Variants in ALG6 observed in about 807,000 individuals in gnomAD.
The protein encoded by ALG6 is dolichyl pyrophosphate Man9GlcNAc2 alpha-1,3-glucosyltransferase.
A neutral mutation model predicts 66.6 loss-of-function variants in ALG6; 46 were observed. The ratio of observed to expected loss-of-function variants is 0.69; its 90% confidence interval spans 0.55 to 0.88. ALG6 has a LOEUF of 0.88. Among genes scored for constraint, ALG6 ranks in the 40% least tolerant of loss-of-function variants. ALG6 has a pLI of 0.00. For synonymous variants in ALG6, 185 were observed against 203.7 expected (o/e 0.91, Z 0.78); for missense variants, 505 against 586.8 (o/e 0.86, Z 1.44).
chr1:63,406,451 G>A lies in ALG6; in HGVS notation c.429+52G>A, dbSNP rs191086463. On this transcript the variant is annotated intron_variant, in intron 6 of 14. Coordinates refer to ENST00000263440, the MANE Select transcript of ALG6 (RefSeq NM_013339.4). Reference sequence around the variant, plus strand: ...CGTCTCTGAAATGTATTCTTTATTAGTCTAACTATTAAGTATAGACCTTAG... The same window carrying A: ...CGTCTCTGAAATGTATTCTTTATTAATCTAACTATTAAGTATAGACCTTAG... The A allele has an allele frequency of 3.4e-6, 5 of 1,465,682 alleles. No homozygotes were observed. In the East Asian group the frequency reaches 1.1e-4, roughly 33 times the overall value. 90.8% of individuals were successfully genotyped at this position (1,465,682 alleles called of 1,614,324 possible). A position where few individuals can be genotyped will look rare whatever the true frequency, so the allele number is the denominator to read the frequency against.
intron 3 of ALG6, among the ~76,000 whole-genome samples, chr1:63,399,893 G>A (rs116543750): frequency 0.013 from 1,957 of 151,570 alleles, 30 homozygotes; most frequent in Non-Finnish European, 0.022. Flanking sequence ...CAACTTTTTG[G>A]GTATTGATAT....
chr1:63,436,231 A>G (rs144657029), intron 14 of ALG6, among the ~76,000 whole-genome samples: 1 of 152,274 alleles, frequency 6.6e-6, no homozygotes, highest in East Asian at 1.9e-4. Context: ...TTATTCATTC[A>G]TGTAATGCAT....
At position 63,402,257 on chromosome 1, in the gene ALG6, T is replaced by A. The variant is rs780528545; in HGVS notation, c.171T>A (p.Tyr57Ter). 1 of 1,594,682 alleles carries A rather than the reference T, an allele frequency of 6.3e-7. No individual in the cohort carries two copies. The highest frequency in any genetic ancestry group is 1.7e-5 in the Admixed American group (1 of 59,980). ...ITFNLPVKQW[Y>*]FNSSDNNLQY... ...TTCTTCTTTTTTTCTTTTTCAGGTA[T>A]TTTAACAGCAGTGATAACAATTTAC... Residue 57 changes from tyrosine (Y) to a stop codon, truncating the protein, a stop_gained, in exon 4 of 15, where the codon TAT (tyrosine) becomes TAA (stop). Transcript: ENST00000263440. LOFTEE classifies it high-confidence loss of function.
At chr1:63,419,916 A>T (rs920583526) in intron 12 of ALG6, among the ~76,000 whole-genome samples, 1 of 152,180 alleles carries the variant, frequency 6.6e-6, no homozygotes, top group Middle Eastern at 3.2e-3. Flanking sequence ...TTTTAGAAGC[A>T]TTAAATTTTT....
intron 2 of ALG6, among the ~76,000 whole-genome samples, chr1:63,387,328 T>A (rs1648530659): frequency 6.6e-6 from 1 of 152,142 alleles, no homozygotes; most frequent in African/African-American, 2.4e-5. Context: ...TGTTTCTTTG[T>A]TGATTTTCTG....
chr1:63,422,094 A>AATATAAAT (rs1644577136), intron 12 of ALG6, among the ~76,000 whole-genome samples: 1 of 117,960 alleles, frequency 8.5e-6, no homozygotes, highest in African/African-American at 3.3e-5. Context: ...TAAATATATA[A>AATATAAAT]ATATATAAAT....
At chr1:63,412,205 A>G in intron 9 of ALG6, 144 bp downstream of exon 9, 2 of 1,325,662 alleles carry the variant, frequency 1.5e-6, no homozygotes, top group South Asian at 1.2e-5. Context: ...TTGATTGATT[A>G]ATTGATTGGT....
At chr1:63,421,162 G>A (rs567780230) in intron 12 of ALG6, among the ~76,000 whole-genome samples, 7 of 152,066 alleles carry the variant, frequency 4.6e-5, no homozygotes, top group African/African-American at 1.2e-4. Context: ...TGCAGGTAGC[G>A]GTTGCAATTT....
chr1:63,406,465 T>A, intron 6 of ALG6, 66 bp downstream of exon 6: 1 of 1,358,084 alleles, frequency 7.4e-7, no homozygotes, highest in Non-Finnish European at 1.1e-6. Context: ...AACTATTAAG[T>A]ATAGACCTTA....
intron 12 of ALG6, among the ~76,000 whole-genome samples, chr1:63,421,349 T>C (rs1028553982): frequency 6.6e-6 from 1 of 152,080 alleles, no homozygotes; most frequent in African/African-American, 2.4e-5. Context: ...TGTGGAGAAA[T>C]AGGAATGCTT....
chr1:63,376,230 G>C (rs1481381682), intron 2 of ALG6, among the ~76,000 whole-genome samples: 1 of 152,176 alleles, frequency 6.6e-6, no homozygotes, highest in Admixed American at 6.5e-5. Flanking sequence ...ACTGTAGGCA[G>C]TTGTAGCACA....
At chr1:63,436,726 C>T in intron 14 of ALG6, 97 bp from the exon 15 acceptor site, 2 of 1,196,450 alleles carry the variant, frequency 1.7e-6, no homozygotes, top group African/African-American at 3.0e-5. Context: ...TCAACCCTCA[C>T]CTTTAATTCT....
At position 63,370,847 on chromosome 1, in the gene ALG6, T is replaced by C; in HGVS notation, c.-131T>C. 1 of 727,612 alleles carries C rather than the reference T, an allele frequency of 1.4e-6. No individual in the cohort carries two copies. Among genetic ancestry groups the C allele is most frequent in the South Asian group, 1.5e-5 (1 of 65,722 alleles). The allele number at this position is 727,612 out of a possible 1,614,324, so 45.1% of individuals were successfully genotyped here. On this transcript the variant is annotated 5_prime_UTR_variant, in exon 2 of 15. Coordinates refer to ENST00000263440, the MANE Select transcript of ALG6 (RefSeq NM_013339.4). ...CATTAAAATTCTCTCAAACTCCTAATTGCGAAGAATCGATAACATTTCAAG... is the reference window on the plus strand; with the variant it reads ...CATTAAAATTCTCTCAAACTCCTAACTGCGAAGAATCGATAACATTTCAAG...
chr1:63,416,971 G>C lies in ALG6; in HGVS notation c.987+1014G>C, dbSNP rs994523032. ...ATGTAAGTACGTTGGATAAAAACAA[G>C]CCAGAAAAGAACATAACAGCGAAAT... is the stretch of plus-strand genomic sequence containing the variant. On this transcript the variant is annotated intron_variant, in intron 11 of 14. Transcript: ENST00000263440. 2.0e-5 allele frequency among the ~76,000 whole-genome samples: 3 copies of C among 152,174 alleles called. No individual in the cohort carries two copies. In the South Asian group the frequency reaches 6.2e-4, roughly 31 times the overall value.
In ALG6 at chr1:63,436,952, T is replaced by G. The variant is rs1274029656; in HGVS notation, c.1456T>G (p.Leu486Val). ...ATCTTGCTTGAACTTCCTGTTCTTC[T>G]TGGTATACTTTAACATTATTATTAT... ...FVSCLNFLFFLVYFNIIIMWD... is the reference protein window; with the variant it reads ...FVSCLNFLFFVVYFNIIIMWD... The change falls in exon 15 of 15, where the codon TTG (leucine) becomes GTG (valine). Residue 486 changes from leucine (L) to valine (V), a missense_variant. Physicochemically the swap from Leu to Val is conservative, Grantham distance 32. Coordinates refer to ENST00000263440, the MANE Select transcript of ALG6 (RefSeq NM_013339.4). The G allele has an allele frequency of 1.2e-6, 2 of 1,613,668 alleles. No homozygotes were observed. Among genetic ancestry groups the G allele is most frequent in the African/African-American group, 1.3e-5 (1 of 74,924 alleles).
Position 63,396,546 on chromosome 1 carries a change from AAGC to A in ALG6, c.117_119del (p.Glu39_Ala40delinsAsp). 6.2e-7 allele frequency: 1 copy of A among 1,614,118 alleles called. No homozygotes were observed. Among genetic ancestry groups the A allele is most frequent in the East Asian group, 2.2e-5 (1 of 44,866 alleles). Reference sequence around the variant, plus strand: ...AAACCGCCTATGTTTGGTGATTATGAAGCTCAGAGACACTGGCAAGAAATAACT... The same window carrying A: ...AAACCGCCTATGTTTGGTGATTATGATCAGAGACACTGGCAAGAAATAACT... On this transcript the variant is annotated inframe_deletion, in exon 3 of 15. Coordinates refer to ENST00000263440, the MANE Select transcript of ALG6 (RefSeq NM_013339.4).
Position 63,400,309 on chromosome 1 carries a change from A to G in ALG6, c.168-1945A>G, listed in dbSNP as rs1271876446. On this transcript the variant is annotated intron_variant, in intron 3 of 14. Coordinates refer to ENST00000263440, the MANE Select transcript of ALG6 (RefSeq NM_013339.4). ...TATATATATATACGTATATATATGT[A>G]TATATATATACGTATATATATATAT... Among the ~76,000 whole-genome samples the G allele has an allele frequency of 6.6e-4, 10 of 15,250 alleles. 3 individuals are homozygous for G. The highest frequency in any genetic ancestry group is 3.3e-3 in the South Asian group (1 of 302). The allele number at this position is 15,250 out of a possible 152,430, so 10.0% of individuals were successfully genotyped here. A position where few individuals can be genotyped will look rare whatever the true frequency, so the allele number is the denominator to read the frequency against.
intron 3 of ALG6, 29 bp from the exon 4 acceptor site, chr1:63,402,225 T>C (rs1471840779): frequency 4.6e-6 from 6 of 1,299,422 alleles, no homozygotes; most frequent in Middle Eastern, 2.0e-4. Context: ...ATTAACGGAA[T>C]GGTGCTTTCT....
At chr1:63,384,068 C>T (rs528506531) in intron 2 of ALG6, among the ~76,000 whole-genome samples, 1 of 152,312 alleles carries the variant, frequency 6.6e-6, no homozygotes, top group African/African-American at 2.4e-5. Flanking sequence ...CTGATGGACA[C>T]TTAGGTTGCT....
Sources: gnomAD v4.1 joint callset for allele counts (sites outside exome capture counted in the v4.1 genomes callset) on GRCh38, gnomAD v4.1.1 for gene constraint, MANE v1.5 for transcripts, NCBI Gene and HGNC (gene_info 2026-07-23, HGNC 2026-07-21) for gene names.